GOSR1: variants seen among roughly 807,000 people sequenced by gnomAD.
GOSR1 encodes golgi SNAP receptor complex member 1.
GOSR1 carries 21 observed loss-of-function variants against 35.5 expected under a neutral mutation model. The ratio of observed to expected loss-of-function variants is 0.59; its 90% confidence interval spans 0.42 to 0.85. The LOEUF is 0.85. Among genes scored for constraint, GOSR1 ranks in the 40% least tolerant of loss-of-function variants. The pLI, the probability that GOSR1 is intolerant of heterozygous loss-of-function variation, is 0.00. For synonymous variants in GOSR1, 94 were observed against 106.6 expected, an observed-to-expected ratio of 0.88 and a Z score of 0.73; for missense variants, 285 against 309.6, an observed-to-expected ratio of 0.92 and a Z score of 0.60.
chr17:30,520,652 GAA>G (rs1967993185), intron 8 of GOSR1, among the ~76,000 whole-genome samples: 1 of 152,200 alleles, frequency 6.6e-6, no homozygotes, highest in Non-Finnish European at 1.5e-5. Flanking sequence ...GCGAACCTCT[GAA>G]AAGACAAGCC....
In GOSR1 at chr17:30,524,344, G is replaced by A. The variant is rs1968146067; in HGVS notation, c.*1966G>A. 1 of 152,084 alleles carries A rather than the reference G, an allele frequency of 6.6e-6. No individual in the cohort carries two copies. 9.4% of individuals were successfully genotyped at this position (152,084 alleles called of 1,614,324 possible). On this transcript the variant is annotated 3_prime_UTR_variant, in exon 9 of 9. Transcript: ENST00000451249. ...TCTCCTCAACTCTGTTGATATTTGG[G>A]GAAAATTCTGTTTTTCATAGATTCT...
intron 1 of GOSR1, chr17:30,477,703 G>A: frequency 1.0e-6 from 1 of 985,344 alleles, no homozygotes; most frequent in Non-Finnish European, 1.2e-6. Context: ...AGAGTGGACA[G>A]AGCGGGGATG....
intron 3 of GOSR1, 64 bp downstream of exon 3, chr17:30,484,365 G>T (rs1914543869): frequency 2.0e-5 from 18 of 890,844 alleles, no homozygotes; most frequent in Non-Finnish European, 3.8e-6. Context: ...TAGGATCCTG[G>T]ATTATATTGA....
At chr17:30,487,113 T>A (rs561306981) in intron 4 of GOSR1, among the ~76,000 whole-genome samples, 57 of 152,026 alleles carry the variant, frequency 3.7e-4, no homozygotes, top group African/African-American at 1.2e-3. Flanking sequence ...AGAAAAAAAA[T>A]AAATAAATAA....
At chr17:30,492,491 G>A (rs1915108436) in intron 5 of GOSR1, among the ~76,000 whole-genome samples, 188 bp from the exon 6 acceptor site, 1 of 152,184 alleles carries the variant, frequency 6.6e-6, no homozygotes, top group African/African-American at 2.4e-5. Flanking sequence ...AGATGCAGAG[G>A]CATTAATATT....
chr17:30,518,007 G>T (rs904608977), intron 7 of GOSR1, among the ~76,000 whole-genome samples: 3 of 152,080 alleles, frequency 2.0e-5, no homozygotes, highest in Admixed American at 6.5e-5. Flanking sequence ...TTCCCTTAGG[G>T]GCTGGGCATC....
At chr17:30,490,694 A>G (rs1296389832) in intron 5 of GOSR1, among the ~76,000 whole-genome samples, 2 of 152,134 alleles carry the variant, frequency 1.3e-5, no homozygotes, top group African/African-American at 4.8e-5. Context: ...ATATGTACAA[A>G]CTCACTCATA....
At chr17:30,478,012 T>C (rs933616507) in intron 1 of GOSR1, 5 of 785,544 alleles carry the variant, frequency 6.4e-6, no homozygotes, top group Non-Finnish European at 7.7e-6. Context: ...CTTCCAGGAC[T>C]GGGTGTTTGA....
intron 3 of GOSR1, 114 bp from the exon 4 acceptor site, chr17:30,484,549 T>C: frequency 1.6e-6 from 1 of 638,258 alleles, no homozygotes; most frequent in East Asian, 2.7e-5. Flanking sequence ...TGTTTTGTTT[T>C]GTTTTGTTTT....
chr17:30,488,911 A>G (rs890745225), intron 4 of GOSR1, among the ~76,000 whole-genome samples: 2 of 152,242 alleles, frequency 1.3e-5, no homozygotes, highest in African/African-American at 4.8e-5. Context: ...TTAAATTGTG[A>G]TAGTCATAAG....
At chr17:30,520,072 G>A (rs1372165737) in intron 8 of GOSR1, 51 bp downstream of exon 8, 1 of 1,123,260 alleles carries the variant, frequency 8.9e-7, no homozygotes. Context: ...GAGGGGAGAA[G>A]TGTCTGTGTG....
At chr17:30,513,809 G>A (rs1336538956) in intron 7 of GOSR1, among the ~76,000 whole-genome samples, 2 of 152,078 alleles carry the variant, frequency 1.3e-5, no homozygotes, top group Admixed American at 6.6e-5. Flanking sequence ...AAAAAGCTAG[G>A]CATGGTGGTG....
In GOSR1 at chr17:30,526,759, A is replaced by G. The variant is rs189244419; in HGVS notation, c.*4381A>G. On this transcript the variant is annotated 3_prime_UTR_variant, in exon 9 of 9. Transcript: ENST00000451249. Reference sequence around the variant, plus strand: ...TTCTCATCTAAATGTGCATTTTCTGACTGTATAGAAGAAGCTTTGGTATGT... The same window carrying G: ...TTCTCATCTAAATGTGCATTTTCTGGCTGTATAGAAGAAGCTTTGGTATGT... 65 of 152,704 alleles carry G rather than the reference A, an allele frequency of 4.3e-4. No individual in the cohort carries two copies. The highest frequency in any genetic ancestry group is 1.4e-3 in the African/African-American group (60 of 41,548). 9.5% of individuals were successfully genotyped at this position (152,704 alleles called of 1,614,324 possible).
chr17:30,502,255 T>C (rs758609230), intron 6 of GOSR1, among the ~76,000 whole-genome samples: 6 of 152,226 alleles, frequency 3.9e-5, no homozygotes, highest in Non-Finnish European at 5.9e-5. Flanking sequence ...AGTAAAACTC[T>C]TCTGTATGAT....
At chr17:30,517,850 C>T (rs1199986517) in intron 7 of GOSR1, among the ~76,000 whole-genome samples, 1 of 152,144 alleles carries the variant, frequency 6.6e-6, no homozygotes, top group African/African-American at 2.4e-5. Context: ...TTCCTTCTAG[C>T]ATTTCCCTTC....
In GOSR1 at chr17:30,502,357, T is replaced by C. The variant is rs542634339; in HGVS notation, c.510-8523T>C. ...TGGTGTTTAGTTAGTAATTTATCAG[T>C]ACTGGGTGATCAGTTGTAACACATG... On this transcript the variant is annotated intron_variant, in intron 6 of 8. Transcript: ENST00000451249. Among the ~76,000 whole-genome samples the C allele has an allele frequency of 1.3e-3, 199 of 152,356 alleles. 6 individuals are homozygous for C. The South Asian group carries it at 0.039, about 30-fold the overall frequency.
intron 7 of GOSR1, among the ~76,000 whole-genome samples, chr17:30,512,900 T>C (rs982633536): frequency 6.6e-6 from 1 of 152,182 alleles, no homozygotes; most frequent in African/African-American, 2.4e-5. Context: ...GGGTACCTCA[T>C]AGGGCAAAAA....
intron 7 of GOSR1, among the ~76,000 whole-genome samples, chr17:30,511,858 G>C (rs1369878239): frequency 6.6e-6 from 1 of 152,196 alleles, no homozygotes; most frequent in East Asian, 1.9e-4. Flanking sequence ...ATGGATATTG[G>C]ACCTGTGCTA....
chr17:30,500,609 T>G (rs931669521), intron 6 of GOSR1, among the ~76,000 whole-genome samples: 2 of 152,242 alleles, frequency 1.3e-5, no homozygotes, highest in Admixed American at 6.5e-5. Flanking sequence ...TTAGGCTAGT[T>G]GTACTCTGGT....
Sources: allele counts gnomAD v4.1 joint callset (sites outside exome capture counted in the v4.1 genomes callset), GRCh38; gene constraint gnomAD v4.1.1; transcripts MANE v1.5; gene names NCBI Gene and HGNC (gene_info 2026-07-23, HGNC 2026-07-21).